The following DDX60L variants were observed in gnomAD, a reference collection of about 807,000 sequenced individuals.
DDX60L encodes probable ATP-dependent RNA helicase DDX60-like.
In DDX60L, 191 loss-of-function variants were observed where a neutral mutation model predicts 211.6. That is an observed-to-expected ratio of 0.90 (90% CI 0.80 to 1.02). The LOEUF (loss-of-function observed/expected upper bound fraction) is 1.02. Ranked by LOEUF, DDX60L falls within the 50% of genes least tolerant of loss-of-function variation. DDX60L has a pLI of 0.00. For synonymous variants in DDX60L, 706 were observed against 694.1 expected (o/e 1.02, Z -0.27); for missense variants, 2,007 against 1,984.1 (o/e 1.01, Z -0.22).
chr4:168,461,723 G>A lies in DDX60L; in HGVS notation c.582C>T (p.Asp194=). 6.4e-7 allele frequency: 1 copy of A among 1,565,896 alleles called. No homozygotes were observed. The highest frequency in any genetic ancestry group is 8.7e-7 in the Non-Finnish European group (1 of 1,153,158). The change falls in exon 5 of 38, where the codon GAC becomes GAT. Residue 194 remains aspartate, a synonymous_variant. Coordinates refer to ENST00000682922, the MANE Select transcript of DDX60L (RefSeq NM_001012967.3). ...CCTCCTTGGAAAAAGTTTGGTTTCT[G>A]TCTGTGCTTTCCATAGTATATGCAT... ...RFYAYTMEST[D]RNQTFSKENE...
At chr4:168,455,931 A>G (rs1036227029) in intron 7 of DDX60L, 108 bp downstream of exon 7, 57 of 726,706 alleles carry the variant, frequency 7.8e-5, no homozygotes, top group Non-Finnish European at 1.5e-5. Flanking sequence ...GCGGTCAGAA[A>G]CCAAGAGTAT....
chr4:168,426,342 C>A (rs1402033359), intron 14 of DDX60L, among the ~76,000 whole-genome samples: 2 of 152,194 alleles, frequency 1.3e-5, no homozygotes, highest in Non-Finnish European at 2.9e-5. Context: ...ATATAACCAT[C>A]ATGTATATGT....
intron 1 of DDX60L, chr4:168,476,243 T>A (rs2150163748): frequency 6.6e-6 from 1 of 152,204 alleles, no homozygotes; most frequent in South Asian, 2.1e-4. Context: ...TAACTCTGAT[T>A]AAGTAAATAG....
rs1269145591 is a variant in DDX60L, at chr4:168,361,635, A to G, written c.4929-424T>C. On this transcript the variant is annotated intron_variant, in intron 36 of 37. Coordinates refer to ENST00000682922, the MANE Select transcript of DDX60L (RefSeq NM_001012967.3). ...CAAGATTTGTCAAGAATAGGAGAAC[A>G]TTGAACAAGATGCAAGATGCCTCTG... Among the ~76,000 whole-genome samples, 18 of 152,358 alleles carry G rather than the reference A, an allele frequency of 1.2e-4. 1 individual carries two copies. In the East Asian group the frequency reaches 2.9e-3, roughly 24 times the overall value.
chr4:168,441,522 C>CA, intron 9 of DDX60L, 30 bp from the exon 10 acceptor site: 1 of 1,558,682 alleles, frequency 6.4e-7, no homozygotes. Flanking sequence ...ATTAAAATCT[C>CA]AAAAGTCATA....
intron 17 of DDX60L, among the ~76,000 whole-genome samples, chr4:168,420,692 GACA>G (rs1750456849): frequency 1.3e-4 from 16 of 121,600 alleles, no homozygotes; most frequent in Non-Finnish European, 1.9e-5. Flanking sequence ...TAGACAGACA[GACA>G]GACAGACAGA....
At position 168,396,084 on chromosome 4, in the gene DDX60L, T is replaced by A; in HGVS notation, c.3532A>T (p.Lys1178Ter). ...NPKKAEKLER[K>*]KVYRAEYINF... ...ATATATTCAGCTCTATACACTTTTT[T>A]TCTTTCCAGTTTTTCAGCCTTCTTT... The change falls in exon 27 of 38, where the codon AAA becomes TAA. Residue 1178 changes from lysine (K) to a stop codon, truncating the protein, a stop_gained. Transcript: ENST00000682922. LOFTEE classifies it high-confidence loss of function. 1 of 1,572,312 alleles carries A rather than the reference T, an allele frequency of 6.4e-7. No homozygotes were observed. The highest frequency in any genetic ancestry group is 8.6e-7 in the Non-Finnish European group (1 of 1,161,458).
chr4:168,392,069 CAATA>C (rs1247741729), intron 28 of DDX60L, among the ~76,000 whole-genome samples: 1 of 152,114 alleles, frequency 6.6e-6, no homozygotes, highest in East Asian at 1.9e-4. Flanking sequence ...AGCAGATGCA[CAATA>C]AATATGTGTC....
At chr4:168,448,430 A>G (rs1488910832) in intron 9 of DDX60L, among the ~76,000 whole-genome samples, 1 of 152,230 alleles carries the variant, frequency 6.6e-6, no homozygotes, top group Admixed American at 6.5e-5. Flanking sequence ...AACTATTAAT[A>G]TGCTATCATA....
In DDX60L at chr4:168,378,353, C is replaced by T. The variant is rs758432452; in HGVS notation, c.4485+1G>A. ...ATCATTGTAAGTATAACAAACTTTA[C>T]CTTTGACTGAGAAAAACTTAAATTA... On this transcript the variant is annotated splice_donor_variant, in intron 33 of 37. Transcript: ENST00000682922. LOFTEE classifies it high-confidence loss of function. 1.2e-5 allele frequency: 17 copies of T among 1,390,196 alleles called. 1 individual carries two copies. In the South Asian group the frequency reaches 2.2e-4, roughly 18 times the overall value. The allele number at this position is 1,390,196 out of a possible 1,614,324, so 86.1% of individuals were successfully genotyped here.
intron 35 of DDX60L, among the ~76,000 whole-genome samples, chr4:168,372,957 T>A (rs963246408): frequency 1.3e-5 from 2 of 152,210 alleles, no homozygotes; most frequent in Non-Finnish European, 2.9e-5. Context: ...TTTTAAAATG[T>A]CAATATTTAT....
chr4:168,381,206 C>T (rs1004858268), intron 30 of DDX60L, among the ~76,000 whole-genome samples: 2 of 152,188 alleles, frequency 1.3e-5, no homozygotes, highest in African/African-American at 2.4e-5. Flanking sequence ...GGCAGGAATT[C>T]AAGCAGCCTG....
chr4:168,375,220 G>A (rs1470846621), intron 34 of DDX60L, among the ~76,000 whole-genome samples, 157 bp downstream of exon 34: 3 of 151,870 alleles, frequency 2.0e-5, no homozygotes, highest in Admixed American at 2.0e-4. Context: ...CCCTACAATG[G>A]GCTAAATTGT....
At chr4:168,472,006 T>A in intron 3 of DDX60L, 70 bp from the exon 4 acceptor site, 1 of 1,264,742 alleles carries the variant, frequency 7.9e-7, no homozygotes, top group Non-Finnish European at 1.1e-6. Flanking sequence ...TTGTTGTTAC[T>A]ATTATTGCAT....
chr4:168,369,149 A>C (rs148059262), intron 36 of DDX60L, among the ~76,000 whole-genome samples: 2,199 of 152,224 alleles, frequency 0.014, 27 homozygotes, highest in South Asian at 0.042. Flanking sequence ...TCCCCACCCA[A>C]ATCTTATCTT....
intron 10 of DDX60L, among the ~76,000 whole-genome samples, chr4:168,437,627 T>C (rs1753226043): frequency 6.6e-6 from 1 of 152,162 alleles, no homozygotes; most frequent in South Asian, 2.1e-4. Context: ...AAAAACTGAC[T>C]AGCGTTAATG....
Position 168,453,039 on chromosome 4 carries a change from A to G in DDX60L, c.996+85T>C, listed in dbSNP as rs188391593. ...GATTTATCAGCTAATTAGATCTGGC[A>G]TTATTCCAATATAACTCTAGTTTTA... On this transcript the variant is annotated intron_variant, in intron 8 of 37. Coordinates refer to ENST00000682922, the MANE Select transcript of DDX60L (RefSeq NM_001012967.3). 7,071 of 1,338,190 alleles carry G rather than the reference A, an allele frequency of 5.3e-3. 35 individuals are homozygous for G. The highest frequency in any genetic ancestry group is 8.6e-3 in the Middle Eastern group (39 of 4,554). The allele number at this position is 1,338,190 out of a possible 1,614,324, so 82.9% of individuals were successfully genotyped here.
At chr4:168,464,361 C>T (rs1210274510) in intron 4 of DDX60L, among the ~76,000 whole-genome samples, 1 of 151,198 alleles carries the variant, frequency 6.6e-6, no homozygotes, top group African/African-American at 2.4e-5. Flanking sequence ...ATCAATAACA[C>T]ATCTAGAAAA....
chr4:168,435,172 T>G (rs1300620638), intron 10 of DDX60L, among the ~76,000 whole-genome samples: 1 of 152,182 alleles, frequency 6.6e-6, no homozygotes, highest in Non-Finnish European at 1.5e-5. Context: ...CATCTCACAG[T>G]GGGTCCCTGA....
Sources: gnomAD v4.1 joint callset for allele counts (sites outside exome capture counted in the v4.1 genomes callset) on GRCh38, gnomAD v4.1.1 for gene constraint, MANE v1.5 for transcripts, NCBI Gene and HGNC (gene_info 2026-07-23, HGNC 2026-07-21) for gene names.